Variants in ATE1 observed in about 807,000 individuals in gnomAD.
ATE1 encodes arginyl-tRNA--protein transferase 1.
Under a neutral mutation model 70.5 loss-of-function variants are expected in ATE1, and 36 were observed. The observed-to-expected ratio is 0.51, with a 90% CI of 0.39 to 0.67. The LOEUF (loss-of-function observed/expected upper bound fraction) is 0.67. Among genes scored for constraint, ATE1 ranks in the 30% least tolerant of loss-of-function variants. ATE1 has a pLI of 0.00. For missense variants in ATE1, 593 were observed against 629.5 expected, an observed-to-expected ratio of 0.94 and a Z score of 0.62; for synonymous variants, 232 against 219.3, an observed-to-expected ratio of 1.06 and a Z score of -0.51.
chr10:121,781,619 T>TGG (rs1199792515), intron 11 of ATE1, among the ~76,000 whole-genome samples: 4 of 152,168 alleles, frequency 2.6e-5, no homozygotes, highest in Non-Finnish European at 4.4e-5. Context: ...CCCAAATAAA[T>TGG]AACCTGAATG....
intron 10 of ATE1, among the ~76,000 whole-genome samples, chr10:121,829,096 G>A (rs1302562506): frequency 6.6e-6 from 1 of 152,082 alleles, no homozygotes; most frequent in African/African-American, 2.4e-5. Context: ...GCACGTACCA[G>A]GTACCTAACA....
At position 121,747,535 on chromosome 10, in the gene ATE1, C is replaced by G. The variant is rs2135680631; in HGVS notation, c.1379-3677G>C. Among the ~76,000 whole-genome samples, 3 of 152,234 alleles carry G rather than the reference C, an allele frequency of 2.0e-5. No homozygotes were observed. The South Asian group carries it at 6.2e-4, about 32-fold the overall frequency. On this transcript the variant is annotated intron_variant, in intron 11 of 11. Coordinates refer to ENST00000224652, the MANE Select transcript of ATE1 (RefSeq NM_001001976.3). ...TGTCAGGGTTCTGGGTAGCCCTGACCCCTGGGCCCCCTTTCCTCTTCAGCA... is the reference window on the plus strand; with the variant it reads ...TGTCAGGGTTCTGGGTAGCCCTGACGCCTGGGCCCCCTTTCCTCTTCAGCA...
chr10:121,888,748 T>C (rs903458871), intron 7 of ATE1, among the ~76,000 whole-genome samples: 24 of 152,190 alleles, frequency 1.6e-4, no homozygotes, highest in Non-Finnish European at 2.6e-4. Flanking sequence ...CCACCAACAG[T>C]AGAAAGGGAT....
At chr10:121,905,551 A>C (rs921099855) in intron 5 of ATE1, among the ~76,000 whole-genome samples, 1 of 152,166 alleles carries the variant, frequency 6.6e-6, no homozygotes, top group Admixed American at 6.6e-5. Flanking sequence ...AGTGGAAAGT[A>C]GGATTTCAGG....
At chr10:121,849,318 T>C (rs1948966836) in intron 8 of ATE1, among the ~76,000 whole-genome samples, 1 of 152,246 alleles carries the variant, frequency 6.6e-6, no homozygotes, top group African/African-American at 2.4e-5. Flanking sequence ...TTGTACCAGC[T>C]TGAAATACTT....
intron 3 of ATE1, among the ~76,000 whole-genome samples, chr10:121,914,919 C>A (rs1352784806): frequency 2.0e-5 from 3 of 152,160 alleles, no homozygotes; most frequent in Non-Finnish European, 4.4e-5. Flanking sequence ...ATACTAACAT[C>A]AGGGATTCCC....
At chr10:121,790,458 G>T (rs1263730196) in intron 10 of ATE1, among the ~76,000 whole-genome samples, 169 bp from the exon 11 acceptor site, 1 of 152,200 alleles carries the variant, frequency 6.6e-6, no homozygotes, top group East Asian at 1.9e-4. Context: ...CCCATCTCAT[G>T]AAAGCACGTT....
chr10:121,853,170 C>T (rs1949118697), intron 8 of ATE1, among the ~76,000 whole-genome samples: 1 of 152,000 alleles, frequency 6.6e-6, no homozygotes, highest in Non-Finnish European at 1.5e-5. Flanking sequence ...CGAGACCATC[C>T]TGGCTAACAC....
intron 10 of ATE1, among the ~76,000 whole-genome samples, chr10:121,825,449 C>A (rs1330808945): frequency 6.6e-6 from 1 of 152,228 alleles, no homozygotes; most frequent in East Asian, 1.9e-4. Context: ...GGACCCTGTG[C>A]TCAAGGAAGC....
intron 1 of ATE1, among the ~76,000 whole-genome samples, chr10:121,925,710 C>CAA (rs113313547): frequency 1.8e-4 from 27 of 150,474 alleles, no homozygotes; most frequent in Admixed American, 3.3e-4. Context: ...TCTGTTTTCA[C>CAA]AAAAAAAAAA....
At chr10:121,924,716 A>AT (rs1590744973) in intron 1 of ATE1, among the ~76,000 whole-genome samples, 2 of 151,402 alleles carry the variant, frequency 1.3e-5, no homozygotes, top group Admixed American at 1.3e-4. Flanking sequence ...AAAAAAAAAA[A>AT]TAGGAGTGTT....
At position 121,897,188 on chromosome 10, in the gene ATE1, C is replaced by T. The variant is rs116831917; in HGVS notation, c.942+2678G>A. Among the ~76,000 whole-genome samples the T allele has an allele frequency of 7.4e-3, 1,132 of 152,306 alleles. 20 individuals are homozygous for T. Among genetic ancestry groups the T allele is most frequent in the African/African-American group, 0.026 (1,085 of 41,558 alleles). On this transcript the variant is annotated intron_variant, in intron 7 of 11. Transcript: ENST00000224652. ...ATTCAGACTATGAATGCCTTTAGTGCTGCTCTAAGTCTGCATAAAGGGACT... is the reference window on the plus strand; with the variant it reads ...ATTCAGACTATGAATGCCTTTAGTGTTGCTCTAAGTCTGCATAAAGGGACT...
chr10:121,827,390 G>GA (rs1432593705), intron 10 of ATE1, among the ~76,000 whole-genome samples: 1 of 152,140 alleles, frequency 6.6e-6, no homozygotes, highest in Non-Finnish European at 1.5e-5. Context: ...CGCAATTCCT[G>GA]AATGGGCAGC....
At position 121,902,640 on chromosome 10, in the gene ATE1, A is replaced by G; in HGVS notation, c.584-20T>C. On this transcript the variant is annotated intron_variant, in intron 5 of 11. Transcript: ENST00000224652. ...CTTTGCCTAAAAAGAATTTTAAAAT[A>G]TTAGACCAATCACATTTGGTTCTAG... 6.4e-7 allele frequency: 1 copy of G among 1,566,938 alleles called. No homozygotes were observed. The highest frequency in any genetic ancestry group is 8.7e-7 in the Non-Finnish European group (1 of 1,155,800).
chr10:121,875,497 G>A (rs1302343307), intron 7 of ATE1, among the ~76,000 whole-genome samples: 1 of 151,850 alleles, frequency 6.6e-6, no homozygotes, highest in East Asian at 2.0e-4. Flanking sequence ...TAGAGACGGG[G>A]TTTCACCATG....
chr10:121,910,896 T>A lies in ATE1; in HGVS notation c.583+10A>T. The A allele has an allele frequency of 6.2e-7, 1 of 1,612,752 alleles. No individual in the cohort carries two copies. The highest frequency in any genetic ancestry group is 1.1e-5 in the South Asian group (1 of 90,484). On this transcript the variant is annotated intron_variant, in intron 5 of 11. Transcript: ENST00000224652. ...CGTGAATATGACTTGGTATCAAAAA[T>A]CTTTACTACCTGGCTTAGGAACTGT... is the stretch of plus-strand genomic sequence containing the variant.
Position 121,901,606 on chromosome 10 carries a change from G to A in ATE1, c.813+785C>T, listed in dbSNP as rs796202577. Among the ~76,000 whole-genome samples, 7 of 152,016 alleles carry A rather than the reference G, an allele frequency of 4.6e-5. No homozygotes were observed. The East Asian group carries it at 7.8e-4, about 17-fold the overall frequency. On this transcript the variant is annotated intron_variant, in intron 6 of 11. Transcript: ENST00000224652. ...CTAGGAGTTGGGATTACAGGTGCAC[G>A]CCACCACGCCTGGCCAATTTTTATA...
At chr10:121,813,657 C>A (rs899385201) in intron 10 of ATE1, among the ~76,000 whole-genome samples, 2 of 152,072 alleles carry the variant, frequency 1.3e-5, no homozygotes, top group African/African-American at 4.8e-5. Flanking sequence ...GAGGAGGAAA[C>A]CCAGGCTAGA....
At chr10:121,920,521 C>CAAAAAAA (rs201546841) in intron 3 of ATE1, among the ~76,000 whole-genome samples, 1 of 132,724 alleles carries the variant, frequency 7.5e-6, no homozygotes. Flanking sequence ...GACCCTGTCT[C>CAAAAAAA]AAAAAAAAAA....
Sources: gnomAD v4.1 joint callset for allele counts (sites outside exome capture counted in the v4.1 genomes callset) on GRCh38, gnomAD v4.1.1 for gene constraint, MANE v1.5 for transcripts, NCBI Gene and HGNC (gene_info 2026-07-23, HGNC 2026-07-21) for gene names.